The following ZNF175 variants were observed in gnomAD, a reference collection of about 807,000 sequenced individuals.
The protein encoded by ZNF175 is zinc finger protein OTK18.
In ZNF175, 8 loss-of-function variants were observed where a neutral mutation model predicts 14.0. The observed-to-expected ratio is 0.57, with a 90% CI of 0.34 to 1.03. The LOEUF (loss-of-function observed/expected upper bound fraction) is 1.03, where lower values mean the gene tolerates loss of function less well. Ranked by LOEUF, ZNF175 falls within the 50% of genes least tolerant of loss-of-function variation. The pLI is 0.03. For synonymous variants in ZNF175, 255 were observed against 296.8 expected (o/e 0.86, Z 1.45); for missense variants, 764 against 849.5 (o/e 0.90, Z 1.25).
chr19:51,584,838 G>A (rs1364498476), intron 4 of ZNF175, among the ~76,000 whole-genome samples: 1 of 152,156 alleles, frequency 6.6e-6, no homozygotes, highest in African/African-American at 2.4e-5. Flanking sequence ...AATAACAAGT[G>A]TTGGCAAGGA....
intron 2 of ZNF175, among the ~76,000 whole-genome samples, chr19:51,577,955 A>G (rs116048686): frequency 0.015 from 2,313 of 151,014 alleles, 57 homozygotes; most frequent in African/African-American, 0.053. Context: ...GAGCCACCGC[A>G]CCTGGCATAC....
chr19:51,574,725 A>G (rs575493347), intron 2 of ZNF175, among the ~76,000 whole-genome samples: 4 of 152,376 alleles, frequency 2.6e-5, no homozygotes, highest in South Asian at 4.1e-4. Context: ...AGCAGTGCAG[A>G]TGCACAAACG....
At chr19:51,577,694 C>T (rs1038259963) in intron 2 of ZNF175, among the ~76,000 whole-genome samples, 8 of 134,048 alleles carry the variant, frequency 6.0e-5, no homozygotes, top group Non-Finnish European at 1.1e-4. Context: ...GATGGAGTCT[C>T]ACTCTGTCGC....
intron 2 of ZNF175, among the ~76,000 whole-genome samples, chr19:51,577,741 G>A (rs919818052): frequency 1.4e-5 from 2 of 143,050 alleles, no homozygotes; most frequent in African/African-American, 2.6e-5. Context: ...TTGGCTCACT[G>A]CAAGCTCCGC....
intron 2 of ZNF175, among the ~76,000 whole-genome samples, chr19:51,576,156 T>TG (rs1568572938): frequency 3.3e-5 from 5 of 150,604 alleles, no homozygotes; most frequent in African/African-American, 1.2e-4. Flanking sequence ...TTTTTTGTTT[T>TG]TTTTTTTTTT....
rs753169412 is a variant in ZNF175 at position 51,580,812 on chromosome 19, G to T, written c.73-579G>T. Among the ~76,000 whole-genome samples, 74 of 152,276 alleles carry T rather than the reference G, an allele frequency of 4.9e-4. 1 individual carries two copies. Among genetic ancestry groups the T allele is most frequent in the Admixed American group, 2.0e-3 (31 of 15,300 alleles). ...TTATTCATGCTCTTTTCTGGAAAATGATTTCCTTCACACATCCTGCATCAC... is the reference window on the plus strand; with the variant it reads ...TTATTCATGCTCTTTTCTGGAAAATTATTTCCTTCACACATCCTGCATCAC... On this transcript the variant is annotated intron_variant, in intron 2 of 4. Coordinates refer to ENST00000262259, the MANE Select transcript of ZNF175 (RefSeq NM_007147.4).
chr19:51,588,109 G>C lies in ZNF175; in HGVS notation c.1778G>C (p.Gly593Ala), dbSNP rs1225739469. 6.2e-7 allele frequency: 1 copy of C among 1,614,182 alleles called. No homozygotes were observed. Among genetic ancestry groups the C allele is most frequent in the East Asian group, 2.2e-5 (1 of 44,892 alleles). The stretch of plus-strand genomic sequence containing the variant: ...AAACCCTATGTGTGCACTGAATGTG[G>C]GAAGGCCTTCAACGGCAGGTCAAAT... The part of the protein sequence containing the change: ...GEKPYVCTEC[G>A]KAFNGRSNFH... Residue 593 changes from glycine (G) to alanine (A), a missense_variant, in exon 5 of 5, where the codon GGG (glycine) becomes GCG (alanine). Transcript: ENST00000262259.
chr19:51,581,336 T>TC, intron 2 of ZNF175, 55 bp from the exon 3 acceptor site: 1 of 1,613,880 alleles, frequency 6.2e-7, no homozygotes, highest in East Asian at 2.2e-5. Context: ...ATATGTGCCA[T>TC]CCCCACTCGC....
chr19:51,586,231 G>C (rs6509554), intron 4 of ZNF175, among the ~76,000 whole-genome samples: 95,654 of 152,062 alleles, frequency 0.63, 31,607 homozygotes, highest in East Asian at 0.78. Context: ...CATCCTACTA[G>C]ATCTGGGTGT....
At chr19:51,578,208 C>T (rs1981873232) in intron 2 of ZNF175, among the ~76,000 whole-genome samples, 1 of 150,272 alleles carries the variant, frequency 6.7e-6, no homozygotes, top group South Asian at 2.1e-4. Context: ...ACCAGCCTGG[C>T]CAACATGGTG....
chr19:51,577,655 TTCTC>T (rs889732268), intron 2 of ZNF175, among the ~76,000 whole-genome samples: 1 of 147,580 alleles, frequency 6.8e-6, no homozygotes, highest in Non-Finnish European at 1.5e-5. Context: ...AAATACTCCT[TTCTC>T]TCTCTTTTTT....
chr19:51,579,233 A>G (rs982641341), intron 2 of ZNF175, among the ~76,000 whole-genome samples: 13 of 132,238 alleles, frequency 9.8e-5, no homozygotes, highest in African/African-American at 2.0e-4. Context: ...AGCCTTAGTG[A>G]CAGAGTAGAC....
At chr19:51,583,795 C>T (rs576737512) in intron 4 of ZNF175, among the ~76,000 whole-genome samples, 3 of 152,292 alleles carry the variant, frequency 2.0e-5, no homozygotes, top group East Asian at 1.9e-4. Context: ...GTTTTCATCA[C>T]TCATGCTCTG....
Position 51,588,302 on chromosome 19 carries a change from A to G in ZNF175, c.1971A>G (p.Gln657=), listed in dbSNP as rs1391661858. 2 of 1,614,006 alleles carry G rather than the reference A, an allele frequency of 1.2e-6. No individual in the cohort carries two copies. The highest frequency in any genetic ancestry group is 1.7e-6 in the Non-Finnish European group (2 of 1,179,992). ...DCGKSFSKKP[Q]LKVHQRIHTG... Reference sequence around the variant, plus strand: ...GGAAATCGTTCAGTAAGAAACCACAACTCAAGGTGCATCAGCGAATTCACA... The same window carrying G: ...GGAAATCGTTCAGTAAGAAACCACAGCTCAAGGTGCATCAGCGAATTCACA... The change falls in exon 5 of 5, where the codon CAA becomes CAG. Residue 657 remains glutamine, a synonymous_variant. Coordinates refer to ENST00000262259, the MANE Select transcript of ZNF175 (RefSeq NM_007147.4).
chr19:51,580,034 A>C (rs1220855803), intron 2 of ZNF175, among the ~76,000 whole-genome samples: 2 of 152,002 alleles, frequency 1.3e-5, no homozygotes, highest in Non-Finnish European at 2.9e-5. Context: ...TTACATATAG[A>C]AATGATAATG....
At chr19:51,579,268 A>G (rs2122566319) in intron 2 of ZNF175, among the ~76,000 whole-genome samples, 1 of 150,572 alleles carries the variant, frequency 6.6e-6, no homozygotes, top group Middle Eastern at 3.4e-3. Flanking sequence ...AAAAAAAAAA[A>G]AAAAAAGCTG....
intron 2 of ZNF175, chr19:51,573,754 C>A (rs146053891): frequency 1.3e-5 from 5 of 380,396 alleles, no homozygotes; most frequent in African/African-American, 2.1e-5. Flanking sequence ...TGGTCCCCCC[C>A]ACCAAATTCC....
At chr19:51,577,708 G>T (rs906954087) in intron 2 of ZNF175, among the ~76,000 whole-genome samples, 3 of 137,368 alleles carry the variant, frequency 2.2e-5, no homozygotes, top group Admixed American at 1.6e-4. Flanking sequence ...CTGTCGCCCA[G>T]GCTGGAGTGC....
At chr19:51,574,414 A>G (rs903984266) in intron 2 of ZNF175, among the ~76,000 whole-genome samples, 3 of 152,228 alleles carry the variant, frequency 2.0e-5, no homozygotes, top group African/African-American at 7.2e-5. Context: ...TAGGTGGGGC[A>G]CAGTGGCTCA....
Sources: allele counts gnomAD v4.1 joint callset (sites outside exome capture counted in the v4.1 genomes callset), GRCh38; gene constraint gnomAD v4.1.1; transcripts MANE v1.5; gene names NCBI Gene and HGNC (gene_info 2026-07-23, HGNC 2026-07-21).